The following ZNF462 variants were observed in gnomAD, a reference collection of about 807,000 sequenced individuals.
The protein encoded by ZNF462 is zinc finger PBX1-interacting protein.
A neutral mutation model predicts 201.9 loss-of-function variants in ZNF462; 10 were observed. The observed-to-expected ratio is 0.05, with a 90% CI of 0.03 to 0.08. The LOEUF (loss-of-function observed/expected upper bound fraction) is 0.08, where lower values mean the gene tolerates loss of function less well. Among genes scored for constraint, ZNF462 ranks in the 10% least tolerant of loss-of-function variants. The pLI is 1.00. For missense variants in ZNF462, 2,523 were observed against 3,168.3 expected, an observed-to-expected ratio of 0.80 and a Z score of 4.89; for synonymous variants, 1,227 against 1,193.3, an observed-to-expected ratio of 1.03 and a Z score of -0.58.
intron 1 of ZNF462, among the ~76,000 whole-genome samples, chr9:106,891,939 A>G (rs1828596365): frequency 6.6e-6 from 1 of 152,192 alleles, no homozygotes; most frequent in Non-Finnish European, 1.5e-5. Context: ...TCTCAGAAGA[A>G]CCATTTTCCT....
intron 9 of ZNF462, among the ~76,000 whole-genome samples, chr9:106,983,677 A>G (rs78605388): frequency 0.013 from 1,989 of 152,314 alleles, 18 homozygotes; most frequent in Non-Finnish European, 0.018. Flanking sequence ...ACTTATTTGT[A>G]AAAATGAGAG....
At chr9:106,908,313 C>G (rs1223385350) in intron 1 of ZNF462, among the ~76,000 whole-genome samples, 2 of 151,894 alleles carry the variant, frequency 1.3e-5, no homozygotes, top group Non-Finnish European at 2.9e-5. Flanking sequence ...GTATCTGTTG[C>G]CATCTTTATT....
chr9:106,951,025 G>T (rs1379316020), intron 7 of ZNF462, among the ~76,000 whole-genome samples: 1 of 151,122 alleles, frequency 6.6e-6, no homozygotes, highest in Non-Finnish European at 1.5e-5. Flanking sequence ...AGGAGACAGA[G>T]GTTGCAGTGA....
In ZNF462 at chr9:107,010,796, C is replaced by T. The variant is rs1829890569; in HGVS notation, c.7314-27C>T. 1.9e-6 allele frequency: 3 copies of T among 1,590,406 alleles called. No homozygotes were observed. The highest frequency in any genetic ancestry group is 2.6e-6 in the Non-Finnish European group (3 of 1,165,772). Reference sequence around the variant, plus strand: ...AGAGAAATATATATACTATACTCATCTGTCTCTTCGATAAATGTTTTTCCA... The same window carrying T: ...AGAGAAATATATATACTATACTCATTTGTCTCTTCGATAAATGTTTTTCCA... On this transcript the variant is annotated intron_variant, in intron 12 of 12. Coordinates refer to ENST00000277225, the MANE Select transcript of ZNF462 (RefSeq NM_021224.6). The surrounding 1 kb of genome is among the most constrained non-coding windows in gnomAD (Gnocchi z 4.6).
intron 10 of ZNF462, among the ~76,000 whole-genome samples, chr9:106,986,846 T>C (rs1827869694): frequency 6.6e-6 from 1 of 152,150 alleles, no homozygotes; most frequent in Non-Finnish European, 1.5e-5. Flanking sequence ...CTCCCACATA[T>C]CAGTGAGAAC....
intron 1 of ZNF462, among the ~76,000 whole-genome samples, chr9:106,921,794 C>T (rs570333674): frequency 6.6e-6 from 1 of 152,278 alleles, no homozygotes; most frequent in South Asian, 2.1e-4. Context: ...TAATTTGATC[C>T]AGAGCTGATA....
intron 9 of ZNF462, among the ~76,000 whole-genome samples, chr9:106,976,808 T>C (rs1386149591): frequency 6.6e-6 from 1 of 152,220 alleles, no homozygotes; most frequent in African/African-American, 2.4e-5. Flanking sequence ...CAAAATCCTA[T>C]GTGGTGGATG....
intron 1 of ZNF462, among the ~76,000 whole-genome samples, chr9:106,882,585 G>A (rs1427206219): frequency 1.3e-5 from 2 of 152,040 alleles, no homozygotes; most frequent in Non-Finnish European, 2.9e-5. Context: ...TTTGTTTGTC[G>A]GTAGCTTTTG....
At position 106,970,837 on chromosome 9, in the gene ZNF462, CTTTTTT is replaced by C. The variant is rs201483451; in HGVS notation, c.6428-1164_6428-1159del. Among the ~76,000 whole-genome samples, 1 of 145,602 alleles carries C rather than the reference CTTTTTT, an allele frequency of 6.9e-6. No individual in the cohort carries two copies. Among genetic ancestry groups the C allele is most frequent in the African/African-American group, 2.6e-5 (1 of 38,112 alleles). ...ATTTATTTTTACTTTTTTTTCTCTT[CTTTTTT>C]TTTAATTCAAAGAAGAAACGCTGAG... On this transcript the variant is annotated intron_variant, in intron 7 of 12. Coordinates refer to ENST00000277225, the MANE Select transcript of ZNF462 (RefSeq NM_021224.6). The surrounding 1 kb of genome is among the most constrained non-coding windows in gnomAD (Gnocchi z 4.2).
At chr9:106,969,256 C>T (rs865842738) in intron 7 of ZNF462, among the ~76,000 whole-genome samples, 1 of 152,194 alleles carries the variant, frequency 6.6e-6, no homozygotes, top group Admixed American at 6.5e-5. Flanking sequence ...ATGACATGGA[C>T]GCATTAGCTG....
chr9:106,874,222 A>T (rs1827725971), intron 1 of ZNF462, among the ~76,000 whole-genome samples: 2 of 152,206 alleles, frequency 1.3e-5, no homozygotes, highest in African/African-American at 4.8e-5. Flanking sequence ...AATTTAGAGG[A>T]ATAGGGACTC....
Position 106,928,935 on chromosome 9 carries a change from A to G in ZNF462, c.5023A>G (p.Ile1675Val). 1 of 1,614,044 alleles carries G rather than the reference A, an allele frequency of 6.2e-7. No homozygotes were observed. The highest frequency in any genetic ancestry group is 1.1e-5 in the South Asian group (1 of 91,072). The change falls in exon 3 of 13, where the codon ATC becomes GTC. Residue 1675 changes from isoleucine to valine, a missense_variant. Ile to Val is a conservative substitution (Grantham distance 29). Around this residue, in one of 15 missense-constraint regions of ZNF462, gnomAD observed 200 missense variants for 281.3 expected, o/e 0.71. Transcript: ENST00000277225. The surrounding 1 kb of genome is among the most constrained non-coding windows in gnomAD (Gnocchi z 9.3). ...CKYFCSTRKG[I>V]ARHYRIKHNN... ...GTACTTCTGCTCCACGAGGAAGGGGATCGCCAGGCACTACCGCATCAAGCA... is the reference window on the plus strand; with the variant it reads ...GTACTTCTGCTCCACGAGGAAGGGGGTCGCCAGGCACTACCGCATCAAGCA...
chr9:106,862,982 C>T (rs1044044223), upstream of ZNF462: 4 of 396,190 alleles, frequency 1.0e-5, no homozygotes, highest in African/African-American at 6.2e-5. This position sits in a 1 kb window ranked among gnomAD's most constrained non-coding sequence, Gnocchi z 4.2. Flanking sequence ...TCTCTCTCCC[C>T]CTGGTTGCTC....
intron 7 of ZNF462, among the ~76,000 whole-genome samples, chr9:106,960,390 G>C (rs539615053): frequency 6.6e-6 from 1 of 152,166 alleles, no homozygotes; most frequent in East Asian, 1.9e-4. Context: ...CCTTGCCCAC[G>C]GCCTGTGAGC....
chr9:106,888,395 C>T lies in ZNF462; in HGVS notation c.-31+25040C>T, dbSNP rs1288367121. ...TCTGTCATGGTTATCTTTTTATGTACGAACTGACAATACTTTGCCCTGAAT... is the reference window on the plus strand; with the variant it reads ...TCTGTCATGGTTATCTTTTTATGTATGAACTGACAATACTTTGCCCTGAAT... On this transcript the variant is annotated intron_variant, in intron 1 of 12. Coordinates refer to ENST00000277225, the MANE Select transcript of ZNF462 (RefSeq NM_021224.6). Among the ~76,000 whole-genome samples the T allele has an allele frequency of 2.6e-5, 4 of 152,172 alleles. No homozygotes were observed. In the East Asian group the frequency reaches 5.8e-4, roughly 22 times the overall value.
Position 106,890,555 on chromosome 9 carries a change from A to G in ZNF462, c.-31+27200A>G, listed in dbSNP as rs566835004. On this transcript the variant is annotated intron_variant, in intron 1 of 12. Coordinates refer to ENST00000277225, the MANE Select transcript of ZNF462 (RefSeq NM_021224.6). The surrounding 1 kb of genome is among the most constrained non-coding windows in gnomAD (Gnocchi z 4.2). ...TGTAGTTAGGCTCAACTCCATTTGTAGTGAGAAACATTTGAAGCTTGTCCC... is the reference window on the plus strand; with the variant it reads ...TGTAGTTAGGCTCAACTCCATTTGTGGTGAGAAACATTTGAAGCTTGTCCC... 1.3e-5 allele frequency among the ~76,000 whole-genome samples: 2 copies of G among 152,348 alleles called. No individual in the cohort carries two copies. Among genetic ancestry groups the G allele is most frequent in the African/African-American group, 4.8e-5 (2 of 41,580 alleles).
At chr9:106,862,245 A>G (rs1465103244), upstream of ZNF462, among the ~76,000 whole-genome samples, 1 of 152,186 alleles carries the variant, frequency 6.6e-6, no homozygotes, top group African/African-American at 2.4e-5. This position sits in a 1 kb window ranked among gnomAD's most constrained non-coding sequence, Gnocchi z 4.2. Context: ...ATCTGGGTTT[A>G]TACTTGCAAC....
At position 106,928,744 on chromosome 9, in the gene ZNF462, C is replaced by T. The variant is rs754960839; in HGVS notation, c.4832C>T (p.Ser1611Leu). The T allele has an allele frequency of 2.6e-5, 42 of 1,614,004 alleles. No individual in the cohort carries two copies. The highest frequency in any genetic ancestry group is 8.3e-5 in the Admixed American group (5 of 60,002). Residue 1611 changes from serine to leucine, a missense_variant, in exon 3 of 13, where the codon TCG (serine) becomes TTG (leucine). This residue lies in a region of ZNF462 where 200 missense variants were observed against 281.3 expected (regional missense o/e 0.71). Transcript: ENST00000277225. This position sits in a 1 kb window ranked among gnomAD's most constrained non-coding sequence, Gnocchi z 9.3. ...CCTGAATTTGATGTCTTTTCCCAGT[C>T]GCCCCCGAAGCTGCCAGTCCCCCTC... ...NQPEFDVFSQ[S>L]PPKLPVPLEP...
intron 11 of ZNF462, among the ~76,000 whole-genome samples, chr9:107,007,693 C>A (rs1037762490): frequency 6.6e-6 from 1 of 152,152 alleles, no homozygotes; most frequent in East Asian, 1.9e-4. Context: ...GAAATACACA[C>A]AATAGCCTCG....
Sources: allele counts gnomAD v4.1 joint callset (sites outside exome capture counted in the v4.1 genomes callset), GRCh38; gene constraint gnomAD v4.1.1; regional missense constraint gnomAD v4.1.1; non-coding constraint Gnocchi (gnomAD v3.1); transcripts MANE v1.5; gene names NCBI Gene and HGNC (gene_info 2026-07-23, HGNC 2026-07-21).